The following NAALADL2 variants were observed in gnomAD, a reference collection of about 807,000 sequenced individuals.
The protein encoded by NAALADL2 is N-acetylated alpha-linked acidic dipeptidase like 2.
A neutral mutation model predicts 87.2 loss-of-function variants in NAALADL2; 76 were observed. The ratio of observed to expected loss-of-function variants is 0.87; its 90% CI spans 0.72 to 1.05. The LOEUF is 1.05. Ranked by LOEUF, NAALADL2 falls within the 50% of genes least tolerant of loss-of-function variation. The pLI is 0.00. For synonymous variants in NAALADL2, 354 were observed against 331.0 expected (o/e 1.07, Z -0.75); for missense variants, 1,089 against 945.8 (o/e 1.15, Z -1.99).
intron 5 of NAALADL2, among the ~76,000 whole-genome samples, chr3:175,437,315 CAGAG>C (rs1450258010): frequency 8.3e-5 from 12 of 145,136 alleles, no homozygotes; most frequent in African/African-American, 2.6e-4. Context: ...AACAGACAAA[CAGAG>C]AGCCAAATCA....
At chr3:175,447,105 A>G in intron 5 of NAALADL2, 124 bp from the exon 6 acceptor site, 1 of 607,908 alleles carries the variant, frequency 1.6e-6, no homozygotes, top group South Asian at 2.7e-5. Context: ...TAAGGAGTAG[A>G]TAAACAAGTG....
intron 2 of NAALADL2, among the ~76,000 whole-genome samples, chr3:174,593,807 A>G (rs1053284557): frequency 2.0e-5 from 3 of 152,060 alleles, no homozygotes; most frequent in South Asian, 2.1e-4. Flanking sequence ...TAGATGTCCA[A>G]TTTTTGTAAG....
At chr3:175,259,533 G>T (rs923626424) in intron 4 of NAALADL2, among the ~76,000 whole-genome samples, 4 of 152,126 alleles carry the variant, frequency 2.6e-5, no homozygotes, top group African/African-American at 9.7e-5. Context: ...AAGTTCTATT[G>T]CTTTTGGTAC....
At chr3:175,413,135 C>T (rs377379902) in intron 5 of NAALADL2, among the ~76,000 whole-genome samples, 2 of 143,480 alleles carry the variant, frequency 1.4e-5, no homozygotes, top group African/African-American at 2.5e-5. Context: ...GTGATCTGCC[C>T]GCCTTGGCCT....
intron 1 of NAALADL2, among the ~76,000 whole-genome samples, chr3:174,451,340 T>C (rs1482787351): frequency 6.6e-6 from 1 of 152,228 alleles, no homozygotes; most frequent in East Asian, 1.9e-4. Context: ...ATTTATATCT[T>C]TTAAGAAGGT....
At chr3:175,493,357 G>C (rs775296399) in intron 9 of NAALADL2, among the ~76,000 whole-genome samples, 2 of 152,026 alleles carry the variant, frequency 1.3e-5, no homozygotes, top group Non-Finnish European at 2.9e-5. Flanking sequence ...CAAGACTGAA[G>C]TTGTCAAAAC....
intron 11 of NAALADL2, among the ~76,000 whole-genome samples, chr3:175,635,783 C>A (rs1038767271): frequency 1.3e-5 from 2 of 152,044 alleles, no homozygotes; most frequent in African/African-American, 2.4e-5. Flanking sequence ...TTGAATAATA[C>A]CATTCTCAAG....
chr3:174,904,205 G>C (rs535842131), intron 1 of NAALADL2, among the ~76,000 whole-genome samples: 2 of 151,770 alleles, frequency 1.3e-5, no homozygotes, highest in East Asian at 3.9e-4. Flanking sequence ...ACTCATCTTA[G>C]TGTTGCCAAG....
intron 1 of NAALADL2, among the ~76,000 whole-genome samples, chr3:175,013,877 G>A (rs1282232814): frequency 6.6e-6 from 1 of 152,006 alleles, no homozygotes; most frequent in Non-Finnish European, 1.5e-5. Flanking sequence ...AGAACCAAAT[G>A]TATAATAATA....
intron 9 of NAALADL2, among the ~76,000 whole-genome samples, chr3:175,540,873 C>T (rs977703689): frequency 2.0e-5 from 3 of 151,894 alleles, no homozygotes; most frequent in African/African-American, 4.8e-5. Context: ...TATTAAAGAG[C>T]CAAAGATTTC....
At chr3:175,140,943 G>A (rs1729901883) in intron 2 of NAALADL2, among the ~76,000 whole-genome samples, 1 of 152,092 alleles carries the variant, frequency 6.6e-6, no homozygotes, top group Admixed American at 6.6e-5. Context: ...AGGAATTATG[G>A]GGCAGGTAGA....
At chr3:174,928,330 C>G (rs1158869406) in intron 1 of NAALADL2, among the ~76,000 whole-genome samples, 1 of 152,126 alleles carries the variant, frequency 6.6e-6, no homozygotes, top group African/African-American at 2.4e-5. Context: ...ACCTCTGCCT[C>G]CAGAGTTCAA....
At chr3:174,947,765 C>T (rs887757284) in intron 1 of NAALADL2, among the ~76,000 whole-genome samples, 2 of 151,872 alleles carry the variant, frequency 1.3e-5, no homozygotes, top group Non-Finnish European at 2.9e-5. Context: ...TATACACACA[C>T]ATACACATAT....
At chr3:175,654,862 C>T (rs1338741244) in intron 11 of NAALADL2, among the ~76,000 whole-genome samples, 1 of 152,036 alleles carries the variant, frequency 6.6e-6, no homozygotes, top group Non-Finnish European at 1.5e-5. Context: ...TGTGTATAGG[C>T]CCCTTTGTGT....
At chr3:175,254,076 A>C (rs181407265) in intron 3 of NAALADL2, among the ~76,000 whole-genome samples, 114 of 152,300 alleles carry the variant, frequency 7.5e-4, no homozygotes, top group Non-Finnish European at 1.4e-3. Context: ...TTTTTGAGAT[A>C]ATTGACACCA....
At chr3:174,821,989 G>A (rs1721475506) in intron 3 of NAALADL2, among the ~76,000 whole-genome samples, 1 of 152,096 alleles carries the variant, frequency 6.6e-6, no homozygotes, top group South Asian at 2.1e-4. Context: ...AAAATTCACT[G>A]CGATAATAAA....
At chr3:175,764,513 A>G (rs62286127) in intron 13 of NAALADL2, among the ~76,000 whole-genome samples, 14,448 of 150,088 alleles carry the variant, frequency 0.096, 740 homozygotes, top group African/African-American at 0.12. Flanking sequence ...AGCTCAGGGG[A>G]CCATTTCAAG....
At chr3:175,119,288 T>C (rs1422666019) in intron 2 of NAALADL2, among the ~76,000 whole-genome samples, 1 of 151,630 alleles carries the variant, frequency 6.6e-6, no homozygotes. Context: ...TAGAAACTAA[T>C]AAAAAAGCTT....
At chr3:175,301,639 A>T (rs1757098569) in intron 4 of NAALADL2, among the ~76,000 whole-genome samples, 1 of 152,202 alleles carries the variant, frequency 6.6e-6, no homozygotes, top group Non-Finnish European at 1.5e-5. Context: ...TAATTACTGA[A>T]ATACAGAATT....
Sources: gnomAD v4.1 joint callset for allele counts (sites outside exome capture counted in the v4.1 genomes callset) on GRCh38, gnomAD v4.1.1 for gene constraint, MANE v1.5 for transcripts, NCBI Gene and HGNC (gene_info 2026-07-23, HGNC 2026-07-21) for gene names.